The following PCTP variants were observed in gnomAD, a reference collection of about 807,000 sequenced individuals.
PCTP encodes the protein START domain-containing protein 2.
A neutral mutation model predicts 31.0 loss-of-function variants in PCTP; 27 were observed. The observed-to-expected ratio is 0.87, with a 90% CI of 0.64 to 1.20. PCTP has a LOEUF of 1.20. PCTP is among the 50% of genes most tolerant of loss of function. The probability of loss-of-function intolerance (pLI) is 0.00; values close to 1 mark genes in which losing one functional copy is unlikely to be tolerated. For synonymous variants in PCTP, 108 were observed against 101.2 expected, an observed-to-expected ratio of 1.07 and a Z score of -0.40; for missense variants, 287 against 268.2, an observed-to-expected ratio of 1.07 and a Z score of -0.49.
At chr17:55,772,174 C>T (rs1911043212) in intron 3 of PCTP, among the ~76,000 whole-genome samples, 1 of 151,974 alleles carries the variant, frequency 6.6e-6, no homozygotes, top group Non-Finnish European at 1.5e-5. Context: ...AGAAAGGAAC[C>T]CAGTGACAAA....
rs552016653 is a variant in PCTP at position 55,807,371 on chromosome 17, C to T, written c.318-15390C>T. Among the ~76,000 whole-genome samples the T allele has an allele frequency of 6.6e-5, 10 of 152,260 alleles. No individual in the cohort carries two copies. In the East Asian group the frequency reaches 1.2e-3, roughly 18 times the overall value. The stretch of plus-strand genomic sequence containing the variant: ...GGCATTCTATGTCTTAGTTGCTATT[C>T]CTTTTTCACATGCGGCTTGGCAAGA... On this transcript the variant is annotated intron_variant, in intron 3 of 3. Coordinates refer to the PCTP transcript ENST00000572536.
intron 1 of PCTP, among the ~76,000 whole-genome samples, chr17:55,757,796 T>C (rs1390991916): frequency 1.3e-5 from 2 of 152,194 alleles, no homozygotes; most frequent in Non-Finnish European, 2.9e-5. Context: ...GAGGCAGTTC[T>C]GACATTGAGA....
intron 5 of PCTP, among the ~76,000 whole-genome samples, chr17:55,836,613 G>C (rs1905785625): frequency 6.6e-6 from 1 of 152,154 alleles, no homozygotes; most frequent in Admixed American, 6.5e-5. Flanking sequence ...TCTCCTTAAA[G>C]TTCTTCCCGG....
At chr17:55,785,911 G>T (rs1238423956) in intron 2 of PCTP, among the ~76,000 whole-genome samples, 2 of 152,190 alleles carry the variant, frequency 1.3e-5, no homozygotes, top group African/African-American at 4.8e-5. Context: ...TATTGGTTCA[G>T]CTGTTTTGTT....
At chr17:55,759,211 G>GT (rs1380218874) in intron 1 of PCTP, among the ~76,000 whole-genome samples, 1 of 152,168 alleles carries the variant, frequency 6.6e-6, no homozygotes, top group African/African-American at 2.4e-5. Context: ...TGAAAAGTGG[G>GT]TTTACTGATG....
intron 3 of PCTP, among the ~76,000 whole-genome samples, chr17:55,773,017 A>G (rs897521130): frequency 1.3e-5 from 2 of 152,186 alleles, no homozygotes; most frequent in Non-Finnish European, 2.9e-5. Flanking sequence ...TGTTTCATAG[A>G]CTTTCATTAT....
At chr17:55,753,909 A>G (rs1241998864) in intron 1 of PCTP, among the ~76,000 whole-genome samples, 1 of 152,208 alleles carries the variant, frequency 6.6e-6, no homozygotes, top group East Asian at 1.9e-4. Context: ...TTTTTCTAAT[A>G]AAGCTTCCAG....
At chr17:55,763,068 T>C (rs1910424744) in intron 1 of PCTP, among the ~76,000 whole-genome samples, 1 of 152,222 alleles carries the variant, frequency 6.6e-6, no homozygotes, top group South Asian at 2.1e-4. Flanking sequence ...GGTGGTTTTC[T>C]GGAGGAGCTT....
intron 1 of PCTP, among the ~76,000 whole-genome samples, chr17:55,753,558 C>T (rs575860777): frequency 3.3e-5 from 5 of 152,306 alleles, no homozygotes; most frequent in South Asian, 2.1e-4. Flanking sequence ...CAGCTAGGAT[C>T]CAAACCCAGC....
chr17:55,784,798 A>G (rs1176553845), intron 2 of PCTP, among the ~76,000 whole-genome samples: 2 of 152,230 alleles, frequency 1.3e-5, no homozygotes, highest in Non-Finnish European at 2.9e-5. Flanking sequence ...AATCCAAACT[A>G]CTGAGACCTA....
intron 5 of PCTP, among the ~76,000 whole-genome samples, chr17:55,840,720 C>T (rs890547423): frequency 6.6e-6 from 1 of 152,022 alleles, no homozygotes; most frequent in Non-Finnish European, 1.5e-5. Flanking sequence ...TAAATTAAAC[C>T]TTATCATAGG....
At chr17:55,758,094 C>T (rs899787435) in intron 1 of PCTP, among the ~76,000 whole-genome samples, 2 of 152,130 alleles carry the variant, frequency 1.3e-5, no homozygotes, top group Admixed American at 6.5e-5. Context: ...TTAACCACTG[C>T]CCATAGAGTG....
chr17:55,776,290 T>A lies in PCTP; in HGVS notation c.*190T>A. ...CACTACCACATCCTTTCTAAGCATG[T>A]TTGCCTGACATCCAGCTCACTCGTC... On this transcript the variant is annotated 3_prime_UTR_variant, in exon 6 of 6. Coordinates refer to ENST00000268896, the MANE Select transcript of PCTP (RefSeq NM_021213.4). 2.9e-6 allele frequency: 4 copies of A among 1,365,836 alleles called. 1 individual carries two copies. The South Asian group carries it at 7.7e-5, about 26-fold the overall frequency. The allele number at this position is 1,365,836 out of a possible 1,614,324, so 84.6% of individuals were successfully genotyped here. A position where few individuals can be genotyped will look rare whatever the true frequency, so the allele number is the denominator to read the frequency against.
intron 1 of PCTP, among the ~76,000 whole-genome samples, chr17:55,760,009 C>T (rs1027839282): frequency 6.6e-6 from 1 of 151,810 alleles, no homozygotes; most frequent in Non-Finnish European, 1.5e-5. Context: ...TTTTTTTTCA[C>T]GCATTTGAAT....
intron 5 of PCTP, 71 bp downstream of exon 5, chr17:55,774,930 G>GT: frequency 6.8e-7 from 1 of 1,460,624 alleles, no homozygotes; most frequent in South Asian, 1.1e-5. Flanking sequence ...CTTAGCCCGC[G>GT]GGGCTGTCAG....
chr17:55,780,822 T>C (rs1411242584), downstream of PCTP, among the ~76,000 whole-genome samples: 1 of 152,094 alleles, frequency 6.6e-6, no homozygotes, highest in Admixed American at 6.6e-5. Flanking sequence ...GCTCAGGATC[T>C]TAAAAGGAAA....
intron 1 of PCTP, among the ~76,000 whole-genome samples, chr17:55,766,522 T>C (rs1567713500): frequency 6.6e-6 from 1 of 151,454 alleles, no homozygotes; most frequent in Non-Finnish European, 1.5e-5. Flanking sequence ...TTTGGTTTTT[T>C]GTTCTTGTGA....
At chr17:55,811,261 T>C (rs931201122) in intron 3 of PCTP, among the ~76,000 whole-genome samples, 1 of 152,194 alleles carries the variant, frequency 6.6e-6, no homozygotes, top group Non-Finnish European at 1.5e-5. Context: ...ACATGATGCC[T>C]TTCGAAAATC....
At chr17:55,812,333 A>T (rs1172115001) in intron 3 of PCTP, among the ~76,000 whole-genome samples, 1 of 152,236 alleles carries the variant, frequency 6.6e-6, no homozygotes, top group Admixed American at 6.5e-5. Context: ...CACAACACCC[A>T]TAAGAGGTAG....
Sources: gnomAD v4.1 joint callset for allele counts (sites outside exome capture counted in the v4.1 genomes callset) on GRCh38, gnomAD v4.1.1 for gene constraint, MANE v1.5 for transcripts, NCBI Gene and HGNC (gene_info 2026-07-23, HGNC 2026-07-21) for gene names.